Variants in GSN observed in about 807,000 individuals in gnomAD.
GSN encodes the protein actin-depolymerizing factor.
In GSN, 56 loss-of-function variants were observed where a neutral mutation model predicts 85.7. The ratio of observed to expected loss-of-function variants is 0.65; its 90% CI spans 0.53 to 0.82. The LOEUF (loss-of-function observed/expected upper bound fraction) is 0.82. Ranked by LOEUF, GSN falls within the 40% of genes least tolerant of loss-of-function variation. The pLI, the probability that GSN is intolerant of heterozygous loss-of-function variation, is 0.00. For synonymous variants in GSN, 373 were observed against 399.1 expected (o/e 0.93, Z 0.78); for missense variants, 857 against 979.8 (o/e 0.87, Z 1.67).
chr9:121,272,926 C>T (rs933065950), intron 1 of GSN, among the ~76,000 whole-genome samples: 2 of 152,136 alleles, frequency 1.3e-5, no homozygotes, highest in African/African-American at 4.8e-5. Context: ...AGCTCCTTTG[C>T]CCAGGGGTCC....
In GSN at chr9:121,282,225, T is replaced by TGTAGGTTA. The variant is rs2057472612; in HGVS notation, c.-10+664_-10+665insTAGGTTAG. 3.1e-5 allele frequency: 18 copies of TGTAGGTTA among 574,256 alleles called. No homozygotes were observed. The East Asian group carries it at 5.2e-4, about 17-fold the overall frequency. 35.6% of individuals were successfully genotyped at this position (574,256 alleles called of 1,614,324 possible). The stretch of plus-strand genomic sequence containing the variant: ...TTCTCCACCTGTAGGATGGGTGCCT[T>TGTAGGTTA]GGTCTCCCCCTACCCACCTAACAAA... On this transcript the variant is annotated intron_variant, in intron 2 of 17. Transcript: ENST00000432226.
chr9:121,242,725 G>A (rs1381279440), intron 5 of GSN, among the ~76,000 whole-genome samples: 1 of 152,154 alleles, frequency 6.6e-6, no homozygotes, highest in Non-Finnish European at 1.5e-5. Flanking sequence ...GGAGAGAATG[G>A]TGCAGCCTCA....
chr9:121,321,210 G>C, intron 10 of GSN, 58 bp from the exon 11 acceptor site: 1 of 1,602,528 alleles, frequency 6.2e-7, no homozygotes, highest in South Asian at 1.1e-5. Flanking sequence ...TTCCTGGCTT[G>C]CCTGAGCTGG....
chr9:121,239,251 AC>A, intron 5 of GSN: 1 of 369,460 alleles, frequency 2.7e-6, no homozygotes, highest in Non-Finnish European at 5.3e-6. Flanking sequence ...TGTTAGGATA[AC>A]CAATACATGT....
chr9:121,318,789 A>T lies in GSN; in HGVS notation c.1100A>T (p.Glu367Val). ...SYLSSHIANV[E>V]RVPFDAATLH... ...CTTTCCAGCCATATCGCCAACGTGG[A>T]GCGGGTGCCCTTCGACGCCGCCACC... Residue 367 changes from glutamate (E) to valine (V), a missense_variant, in exon 10 of 18, where the codon GAG becomes GTG. Coordinates refer to ENST00000432226, the MANE Select transcript of GSN (RefSeq NM_198252.3). This position sits in a 1 kb window ranked among gnomAD's most constrained non-coding sequence, Gnocchi z 4.3. The T allele has an allele frequency of 6.2e-7, 1 of 1,614,080 alleles. No homozygotes were observed. The highest frequency in any genetic ancestry group is 1.1e-5 in the South Asian group (1 of 91,086).
chr9:121,320,693 C>T (rs1324074182), intron 10 of GSN, among the ~76,000 whole-genome samples: 1 of 151,132 alleles, frequency 6.6e-6, no homozygotes, highest in Non-Finnish European at 1.5e-5. Context: ...CCAGGCAGCT[C>T]AGTAACAATA....
chr9:121,250,958 A>C (rs538074874), intron 6 of GSN, among the ~76,000 whole-genome samples: 1 of 149,806 alleles, frequency 6.7e-6, no homozygotes, highest in South Asian at 2.1e-4. Context: ...AGTAGCTGGG[A>C]CTACAGGCAC....
intron 5 of GSN, among the ~76,000 whole-genome samples, chr9:121,247,642 G>A (rs903115431): frequency 2.0e-5 from 3 of 152,216 alleles, no homozygotes; most frequent in African/African-American, 7.2e-5. Context: ...GGCAATAGCT[G>A]TGGGTATTCT....
chr9:121,224,350 C>G, intron 4 of GSN, among the ~76,000 whole-genome samples: 1 of 152,262 alleles, frequency 6.6e-6, no homozygotes, highest in Non-Finnish European at 1.5e-5. Context: ...CTGCCTGCCT[C>G]GGCCTCCCAA....
At chr9:121,217,820 T>TATC (rs1554773550) in intron 4 of GSN, among the ~76,000 whole-genome samples, 2 of 148,264 alleles carry the variant, frequency 1.3e-5, no homozygotes, top group African/African-American at 4.9e-5. Flanking sequence ...TTATTATTAT[T>TATC]ATTATTATTA....
intron 2 of GSN, among the ~76,000 whole-genome samples, chr9:121,288,046 C>T (rs958888320): frequency 1.3e-5 from 2 of 152,194 alleles, no homozygotes. Flanking sequence ...CCCACCTCAG[C>T]CTCCCGAGTA....
At chr9:121,229,515 G>A (rs780178992) in intron 4 of GSN, among the ~76,000 whole-genome samples, 10 of 152,150 alleles carry the variant, frequency 6.6e-5, no homozygotes, top group Non-Finnish European at 8.8e-5. Context: ...CACCACGCCC[G>A]GCCTCATAAT....
intron 2 of GSN, among the ~76,000 whole-genome samples, chr9:121,287,279 C>T (rs566120110): frequency 8.6e-5 from 13 of 152,042 alleles, no homozygotes; most frequent in Non-Finnish European, 2.9e-5. Context: ...AATGGAGAGA[C>T]GAGAAGAGGA....
intron 6 of GSN, among the ~76,000 whole-genome samples, chr9:121,249,136 A>G (rs2054761827): frequency 6.6e-6 from 1 of 151,962 alleles, no homozygotes; most frequent in Admixed American, 6.6e-5. Flanking sequence ...AGGACTTGGC[A>G]ACAGAGGTGC....
intron 6 of GSN, among the ~76,000 whole-genome samples, chr9:121,253,156 G>A (rs1334000436): frequency 1.3e-5 from 2 of 152,112 alleles, no homozygotes; most frequent in Non-Finnish European, 2.9e-5. Context: ...TCTCATAACC[G>A]AATTACCTCC....
chr9:121,303,104 A>T, intron 4 of GSN, 39 bp downstream of exon 4: 1 of 1,600,692 alleles, frequency 6.2e-7, no homozygotes, highest in Non-Finnish European at 8.5e-7. Flanking sequence ...GTAGGGACAG[A>T]TGCACCAGTA....
intron 6 of GSN, among the ~76,000 whole-genome samples, chr9:121,259,215 C>T (rs1340385422): frequency 7.2e-5 from 11 of 152,176 alleles, no homozygotes. Context: ...GTAAACAACC[C>T]AGTAATGAAA....
chr9:121,323,350 T>G (rs1391412944), intron 11 of GSN, among the ~76,000 whole-genome samples: 1 of 149,700 alleles, frequency 6.7e-6, no homozygotes, highest in Admixed American at 6.7e-5. Context: ...TTACCTAAAT[T>G]TCCTCAGTTT....
intron 4 of GSN, among the ~76,000 whole-genome samples, chr9:121,217,080 C>G (rs1002616241): frequency 6.6e-6 from 1 of 152,278 alleles, no homozygotes; most frequent in East Asian, 1.9e-4. Context: ...TCAACTTTGG[C>G]TGGGCACATT....
Sources: gnomAD v4.1 joint callset for allele counts (sites outside exome capture counted in the v4.1 genomes callset) on GRCh38, gnomAD v4.1.1 for gene constraint, Gnocchi (gnomAD v3.1) non-coding constraint, MANE v1.5 for transcripts, NCBI Gene and HGNC (gene_info 2026-07-23, HGNC 2026-07-21) for gene names.